The following HYDIN variants were observed in gnomAD, a reference collection of about 807,000 sequenced individuals.
HYDIN encodes the protein axonemal central pair apparatus protein HYDIN.
HYDIN carries 132 observed loss-of-function variants against 403.9 expected under a neutral mutation model. The observed-to-expected ratio is 0.33, with a 90% CI of 0.28 to 0.38. The LOEUF is 0.38. Among genes scored for constraint, HYDIN ranks in the 10% least tolerant of loss-of-function variants. The pLI is 1.00. For synonymous variants in HYDIN, 1,202 were observed against 1,891.7 expected, an observed-to-expected ratio of 0.64 and a Z score of 9.46; for missense variants, 2,827 against 5,009.5, an observed-to-expected ratio of 0.56 and a Z score of 13.15.
intron 83 of HYDIN, among the ~76,000 whole-genome samples, chr16:70,820,180 CTTTTTTCTTTTTTTTTTTT>C (rs2036150390): frequency 7.3e-6 from 1 of 137,614 alleles, no homozygotes; most frequent in Non-Finnish European, 1.6e-5. Context: ...ATTTTTTTTT[CTTTTTTCTTTTTTTTTTTT>C]TTTTTTTTTG....
intron 84 of HYDIN, among the ~76,000 whole-genome samples, chr16:70,813,325 A>C (rs1162677166): frequency 6.6e-6 from 1 of 151,250 alleles, no homozygotes; most frequent in Non-Finnish European, 1.5e-5. Flanking sequence ...GCCATGTTGA[A>C]AGCAGCTCTA....
In HYDIN at chr16:70,880,515, G is replaced by A. The variant is rs151011842; in HGVS notation, c.10216-759C>T. On this transcript the variant is annotated intron_variant, in intron 60 of 85. Coordinates refer to ENST00000393567, the MANE Select transcript of HYDIN (RefSeq NM_001270974.2). ...AGCATCCGCTGGTCTTCTAAAGGGC[G>A]GACTTCAGGTGATGGTGCCAGTCCC... Among the ~76,000 whole-genome samples the A allele has an allele frequency of 1.8e-3, 278 of 152,160 alleles. 1 individual carries two copies. The highest frequency in any genetic ancestry group is 3.4e-3 in the Middle Eastern group (1 of 294).
chr16:70,972,667 G>T (rs1597445824), intron 35 of HYDIN, among the ~76,000 whole-genome samples: 1 of 152,284 alleles, frequency 6.6e-6, no homozygotes, highest in East Asian at 1.9e-4. Context: ...ATGACCTTAG[G>T]AGGTAGTCAT....
rs913683130 is a variant in HYDIN, at chr16:70,806,988, G to C, written c.*592C>G. Among the ~76,000 whole-genome samples, 2 of 152,194 alleles carry C rather than the reference G, an allele frequency of 1.3e-5. No individual in the cohort carries two copies. Among genetic ancestry groups the C allele is most frequent in the African/African-American group, 2.4e-5 (1 of 41,442 alleles). On this transcript the variant is annotated 3_prime_UTR_variant, in exon 86 of 86. Coordinates refer to ENST00000393567, the MANE Select transcript of HYDIN (RefSeq NM_001270974.2). ...GCCTTTCTCCAGGGCCTAGACTTCA[G>C]TGAGAACTTTCTGTGTAGGGCAGAT...
chr16:71,153,204 G>A (rs1395593539), intron 6 of HYDIN, among the ~76,000 whole-genome samples: 1 of 152,140 alleles, frequency 6.6e-6, no homozygotes, highest in Non-Finnish European at 1.5e-5. Context: ...AAAGAACAGT[G>A]CCTTCAAAGG....
intron 75 of HYDIN, among the ~76,000 whole-genome samples, chr16:70,843,384 A>G (rs1314861975): frequency 7.4e-6 from 1 of 134,966 alleles, no homozygotes; most frequent in Non-Finnish European, 1.6e-5. Flanking sequence ...ATCATTTTTT[A>G]TGGCTGCATA....
intron 10 of HYDIN, among the ~76,000 whole-genome samples, chr16:71,107,467 A>C (rs2083658739): frequency 1.3e-5 from 2 of 151,086 alleles, no homozygotes; most frequent in Non-Finnish European, 3.0e-5. Context: ...AACTTAAACC[A>C]ATTTATAAGA....
chr16:70,917,967 A>C (rs2076891614), intron 47 of HYDIN, among the ~76,000 whole-genome samples: 1 of 152,052 alleles, frequency 6.6e-6, no homozygotes, highest in African/African-American at 2.4e-5. Flanking sequence ...AAAGGTTGTT[A>C]GGTGAGAATC....
chr16:70,892,604 T>A, intron 55 of HYDIN, 75 bp from the exon 56 acceptor site: 1 of 1,517,984 alleles, frequency 6.6e-7, no homozygotes, highest in South Asian at 1.3e-5. Flanking sequence ...AGACTCTAGA[T>A]GGTTGAGTGC....
At chr16:70,838,044 G>A (rs2143533615) in intron 76 of HYDIN, among the ~76,000 whole-genome samples, 156 bp from the exon 77 acceptor site, 1 of 151,988 alleles carries the variant, frequency 6.6e-6, no homozygotes, top group South Asian at 2.1e-4. Flanking sequence ...AGGGAGCTCA[G>A]CAATGACCCA....
Position 70,820,862 on chromosome 16 carries a change from G to A in HYDIN, c.14428-2290C>T, listed in dbSNP as rs1774499. ...CGGGGTTTCACCACGTTGGCCAGGC[G>A]GGTCTTGAACTCCTGACCTCAAGTG... On this transcript the variant is annotated intron_variant, in intron 83 of 85. Transcript: ENST00000393567. 8.6e-5 allele frequency among the ~76,000 whole-genome samples: 13 copies of A among 151,974 alleles called. 1 individual carries two copies. Among genetic ancestry groups the A allele is most frequent in the East Asian group, 1.9e-4 (1 of 5,136 alleles).
chr16:71,226,317 A>G (rs770856408), intron 1 of HYDIN, among the ~76,000 whole-genome samples: 17 of 152,214 alleles, frequency 1.1e-4, no homozygotes, highest in Non-Finnish European at 1.9e-4. Flanking sequence ...TTTTTGACAA[A>G]GGTGCCAAGG....
chr16:70,961,452 G>GT (rs776622073), intron 38 of HYDIN, among the ~76,000 whole-genome samples: 16 of 152,190 alleles, frequency 1.1e-4, no homozygotes, highest in Non-Finnish European at 1.9e-4. Flanking sequence ...CCTTATCATG[G>GT]TTTATAATGA....
intron 5 of HYDIN, among the ~76,000 whole-genome samples, chr16:71,171,770 A>G (rs2086472848): frequency 6.6e-6 from 1 of 152,376 alleles, no homozygotes; most frequent in East Asian, 1.9e-4. Flanking sequence ...CATGACACAA[A>G]AAGATAATTG....
chr16:70,882,316 C>G (rs955157256), intron 60 of HYDIN, among the ~76,000 whole-genome samples: 2 of 152,158 alleles, frequency 1.3e-5, no homozygotes, highest in East Asian at 1.9e-4. Flanking sequence ...ATCTCCCTTA[C>G]CAGCAGAATA....
intron 10 of HYDIN, among the ~76,000 whole-genome samples, chr16:71,098,677 T>C (rs540017759): frequency 0.018 from 2,723 of 149,900 alleles, 9 homozygotes; most frequent in African/African-American, 0.061. Context: ...ACTGCAGGAC[T>C]ATTTATAACT....
chr16:70,926,318 G>A (rs1478345765), intron 45 of HYDIN, among the ~76,000 whole-genome samples: 2 of 151,914 alleles, frequency 1.3e-5, no homozygotes, highest in East Asian at 3.9e-4. Flanking sequence ...GTAGGGACAT[G>A]GATGAAATTG....
intron 18 of HYDIN, among the ~76,000 whole-genome samples, chr16:71,051,655 AAAAACAAAAAAAAC>A (rs1273989520): frequency 6.6e-6 from 1 of 151,142 alleles, no homozygotes; most frequent in African/African-American, 2.4e-5. Flanking sequence ...CAAAAAAAAA[AAAAACAAAAAAAAC>A]AAAAAAAAGA....
rs555696560 is a variant in HYDIN, at chr16:70,834,465, G to T, written c.13402-301C>A. 9.2e-5 allele frequency among the ~76,000 whole-genome samples: 14 copies of T among 152,104 alleles called. No individual in the cohort carries two copies. In the South Asian group the frequency reaches 2.7e-3, roughly 29 times the overall value. On this transcript the variant is annotated intron_variant, in intron 78 of 85. Transcript: ENST00000393567. Reference sequence around the variant, plus strand: ...TTCTTTCTTCCTCCTCCCTGATACAGGAAATAGTAATGGGAAATAACAAAC... The same window carrying T: ...TTCTTTCTTCCTCCTCCCTGATACATGAAATAGTAATGGGAAATAACAAAC...
Sources: gnomAD v4.1 joint callset for allele counts (sites outside exome capture counted in the v4.1 genomes callset) on GRCh38, gnomAD v4.1.1 for gene constraint, MANE v1.5 for transcripts, NCBI Gene and HGNC (gene_info 2026-07-23, HGNC 2026-07-21) for gene names.